MEMO1: variants seen among roughly 807,000 people sequenced by gnomAD.
MEMO1 encodes mediator of cell motility 1.
A neutral mutation model predicts 45.2 loss-of-function variants in MEMO1; 6 were observed. The ratio of observed to expected loss-of-function variants is 0.13; its 90% confidence interval spans 0.07 to 0.26. The LOEUF (loss-of-function observed/expected upper bound fraction) is 0.26, where lower values mean the gene tolerates loss of function less well. Among genes scored for constraint, MEMO1 ranks in the 10% least tolerant of loss-of-function variants. The probability of loss-of-function intolerance (pLI) is 1.00; values close to 1 mark genes in which losing one functional copy is unlikely to be tolerated. For missense variants in MEMO1, 184 were observed against 370.5 expected, an observed-to-expected ratio of 0.50 and a Z score of 4.13; for synonymous variants, 78 against 124.3, an observed-to-expected ratio of 0.63 and a Z score of 2.48.
At chr2:31,931,008 C>T (rs1161923457) in intron 4 of MEMO1, among the ~76,000 whole-genome samples, 1 of 151,920 alleles carries the variant, frequency 6.6e-6, no homozygotes, top group Non-Finnish European at 1.5e-5. Flanking sequence ...CATGAAATTA[C>T]TTAAGATTAT....
At chr2:31,990,708 AAAGT>A (rs1400964511) in intron 2 of MEMO1, among the ~76,000 whole-genome samples, 1 of 151,956 alleles carries the variant, frequency 6.6e-6, no homozygotes, top group Non-Finnish European at 1.5e-5. Flanking sequence ...CGCCTAGCCA[AAAGT>A]AAGTAACTTT....
At chr2:31,943,236 G>T (rs56066305) in intron 3 of MEMO1, 66 bp downstream of exon 3, 2 of 1,220,954 alleles carry the variant, frequency 1.6e-6, no homozygotes, top group South Asian at 1.2e-5. Flanking sequence ...CTGTACTTCA[G>T]CCTGGGCGAC....
intron 4 of MEMO1, among the ~76,000 whole-genome samples, chr2:31,928,838 T>A (rs1466406420): frequency 6.6e-6 from 1 of 152,174 alleles, no homozygotes; most frequent in African/African-American, 2.4e-5. Flanking sequence ...CCGCTTTTTT[T>A]ATTTAGTCAA....
chr2:31,904,550 G>C (rs1182208553), intron 6 of MEMO1, among the ~76,000 whole-genome samples: 1 of 152,208 alleles, frequency 6.6e-6, no homozygotes, highest in African/African-American at 2.4e-5. Context: ...ACGCAACCTA[G>C]ATCCCTCACA....
chr2:31,902,419 T>C (rs899593710), intron 6 of MEMO1, among the ~76,000 whole-genome samples: 14 of 152,092 alleles, frequency 9.2e-5, no homozygotes, highest in East Asian at 5.8e-4. Context: ...AGTTAAATCA[T>C]TGAACTCTTA....
At chr2:31,947,157 T>C (rs574402815) in intron 2 of MEMO1, among the ~76,000 whole-genome samples, 1 of 152,286 alleles carries the variant, frequency 6.6e-6, no homozygotes, top group South Asian at 2.1e-4. Context: ...ACAGGAAGTT[T>C]ACAGAACCAA....
intron 2 of MEMO1, among the ~76,000 whole-genome samples, chr2:31,973,736 A>G (rs1341297497): frequency 6.6e-6 from 1 of 152,250 alleles, no homozygotes; most frequent in Non-Finnish European, 1.5e-5. Context: ...ATACAATACC[A>G]TATCATTTAT....
intron 4 of MEMO1, among the ~76,000 whole-genome samples, chr2:31,921,927 T>C (rs1342387042): frequency 6.6e-6 from 1 of 152,196 alleles, no homozygotes; most frequent in African/African-American, 2.4e-5. Context: ...TCTCTTTATC[T>C]TGACATCAAG....
At chr2:31,977,583 A>G (rs1200101942) in intron 2 of MEMO1, among the ~76,000 whole-genome samples, 1 of 152,038 alleles carries the variant, frequency 6.6e-6, no homozygotes, top group Non-Finnish European at 1.5e-5. Flanking sequence ...GCACGATCTC[A>G]GCTCACCACA....
chr2:31,997,074 G>C (rs1474218426), intron 2 of MEMO1, among the ~76,000 whole-genome samples: 1 of 152,016 alleles, frequency 6.6e-6, no homozygotes, highest in Non-Finnish European at 1.5e-5. Context: ...TCTGCAAAAG[G>C]CATCTCCAGA....
At chr2:31,961,993 C>T (rs1668057933) in intron 2 of MEMO1, among the ~76,000 whole-genome samples, 1 of 151,588 alleles carries the variant, frequency 6.6e-6, no homozygotes, top group Admixed American at 6.6e-5. Flanking sequence ...ATAACTAGAT[C>T]TGGCCCTCTG....
At chr2:31,891,843 AT>A (rs774441988) in intron 7 of MEMO1, 148 bp downstream of exon 7, 2 of 811,342 alleles carry the variant, frequency 2.5e-6, no homozygotes, top group African/African-American at 3.4e-5. Flanking sequence ...GGATCAAAAG[AT>A]TTTTTATTCA....
intron 2 of MEMO1, among the ~76,000 whole-genome samples, chr2:31,986,696 T>C (rs2148524398): frequency 6.6e-6 from 1 of 152,278 alleles, no homozygotes; most frequent in South Asian, 2.1e-4. Flanking sequence ...GCATATATTC[T>C]AAAGGAGACA....
At chr2:31,917,460 C>T (rs966711264) in intron 6 of MEMO1, among the ~76,000 whole-genome samples, 6 of 152,122 alleles carry the variant, frequency 3.9e-5, no homozygotes, top group African/African-American at 1.2e-4. Context: ...ACAGGAAGAC[C>T]TTTAGCAGGT....
At chr2:31,969,624 TG>T (rs1390191197) in intron 2 of MEMO1, among the ~76,000 whole-genome samples, 2 of 149,576 alleles carry the variant, frequency 1.3e-5, no homozygotes. Flanking sequence ...TGTGTGTGTG[TG>T]TGTGTGTGTT....
At chr2:32,006,741 C>A (rs913661352) in intron 2 of MEMO1, among the ~76,000 whole-genome samples, 2 of 151,960 alleles carry the variant, frequency 1.3e-5, no homozygotes, top group Admixed American at 6.6e-5. Context: ...CCGAGGCAGG[C>A]AGATCACGAG....
In MEMO1 at chr2:31,895,805, A is replaced by G. The variant is rs182659005; in HGVS notation, c.438-3671T>C. Among the ~76,000 whole-genome samples the G allele has an allele frequency of 2.0e-3, 297 of 152,006 alleles. 1 individual carries two copies. The highest frequency in any genetic ancestry group is 3.4e-4 in the Non-Finnish European group (23 of 67,972). On this transcript the variant is annotated intron_variant, in intron 6 of 9. Coordinates refer to ENST00000404530, the MANE Select transcript of MEMO1 (RefSeq NM_001301833.4). ...ATCCTCACCCAGATACTTCATAATCAAACAGCTGAAAACAAAACACAAGAA... is the reference window on the plus strand; with the variant it reads ...ATCCTCACCCAGATACTTCATAATCGAACAGCTGAAAACAAAACACAAGAA...
chr2:31,947,377 G>A (rs572893678), intron 2 of MEMO1, among the ~76,000 whole-genome samples: 15 of 152,142 alleles, frequency 9.9e-5, no homozygotes, highest in East Asian at 9.7e-4. Context: ...TATTTATTAC[G>A]TATGATTGCT....
intron 7 of MEMO1, among the ~76,000 whole-genome samples, chr2:31,888,636 G>A (rs924080641): frequency 6.6e-6 from 1 of 152,042 alleles, no homozygotes; most frequent in African/African-American, 2.4e-5. Context: ...ACAGACTAGT[G>A]GCAAATGTCT....
Sources: allele counts gnomAD v4.1 joint callset (sites outside exome capture counted in the v4.1 genomes callset), GRCh38; gene constraint gnomAD v4.1.1; transcripts MANE v1.5; gene names NCBI Gene and HGNC (gene_info 2026-07-23, HGNC 2026-07-21).